Variants in ODAD3 observed in about 807,000 individuals in gnomAD.
ODAD3 encodes the protein outer dynein arm docking complex subunit 3, also known as outer dynein arm-docking complex subunit 3.
A neutral mutation model predicts 70.9 loss-of-function variants in ODAD3; 57 were observed. That is an observed-to-expected ratio of 0.80 (90% CI 0.65 to 1.00). The LOEUF is 1.00. Ranked by LOEUF, ODAD3 falls within the 50% of genes least tolerant of loss-of-function variation. The probability of loss-of-function intolerance (pLI) is 0.00; values close to 1 mark genes in which losing one functional copy is unlikely to be tolerated. For missense variants in ODAD3, 797 were observed against 763.9 expected, an observed-to-expected ratio of 1.04 and a Z score of -0.51; for synonymous variants, 327 against 315.9, an observed-to-expected ratio of 1.04 and a Z score of -0.37.
intron 3 of ODAD3, among the ~76,000 whole-genome samples, chr19:11,428,672 G>T (rs1331049350): frequency 6.6e-6 from 1 of 151,972 alleles, no homozygotes; most frequent in Non-Finnish European, 1.5e-5. Context: ...CCTCAGCCTG[G>T]CAAGTAGCTG....
chr19:11,424,935 A>ATGTATATATGTGTATATGTACCTATG (rs1969245253), intron 7 of ODAD3, among the ~76,000 whole-genome samples: 2 of 119,600 alleles, frequency 1.7e-5, no homozygotes, highest in African/African-American at 3.9e-5. Context: ...ATGTGTATAT[A>ATGTATATATGTGTATATGTACCTATG]TGTATATATG....
chr19:11,421,890 A>C, intron 10 of ODAD3, 58 bp from the exon 11 acceptor site: 3 of 1,530,330 alleles, frequency 2.0e-6, no homozygotes, highest in South Asian at 1.2e-5. Flanking sequence ...GGAAGGCTCC[A>C]CCCAGGGGCG....
intron 1 of ODAD3, 50 bp from the exon 2 acceptor site, chr19:11,431,070 G>A: frequency 6.2e-7 from 1 of 1,607,508 alleles, no homozygotes; most frequent in Admixed American, 1.7e-5. Context: ...GTGGGTGCAT[G>A]GGTGCAACAT....
intron 3 of ODAD3, 60 bp downstream of exon 3, chr19:11,430,639 C>G: frequency 6.6e-7 from 1 of 1,524,336 alleles, no homozygotes; most frequent in East Asian, 2.3e-5. Context: ...AGCCTGGAGT[C>G]CAGTGGTGAG....
At chr19:11,427,083 A>C (rs1599463064) in intron 3 of ODAD3, 43 bp from the exon 4 acceptor site, 1 of 1,500,402 alleles carries the variant, frequency 6.7e-7, no homozygotes, top group Non-Finnish European at 8.9e-7. Flanking sequence ...TCAACACCCT[A>C]CCCCGACACA....
chr19:11,425,203 G>GTGTATA (rs1969286851), intron 7 of ODAD3, among the ~76,000 whole-genome samples: 5 of 109,030 alleles, frequency 4.6e-5, no homozygotes, highest in African/African-American at 3.2e-4. Context: ...ATATGTGTAT[G>GTGTATA]TGTACATATG....
Position 11,420,804 on chromosome 19 carries a change from A to G in ODAD3, c.*31T>C. 6.3e-7 allele frequency: 1 copy of G among 1,586,882 alleles called. No individual in the cohort carries two copies. Among genetic ancestry groups the G allele is most frequent in the Non-Finnish European group, 8.7e-7 (1 of 1,155,772 alleles). On this transcript the variant is annotated 3_prime_UTR_variant, in exon 13 of 13. Coordinates refer to ENST00000356392, the MANE Select transcript of ODAD3 (RefSeq NM_145045.5). ...GACCCGGAGGGATCGGGGGCTCCGA[A>G]GGGGGCCGCCTGGTGGGTGTCAGGA...
upstream of ODAD3, chr19:11,435,258 T>A: frequency 7.6e-7 from 1 of 1,315,064 alleles, no homozygotes; most frequent in Non-Finnish European, 1.0e-6. Flanking sequence ...TGAGGCTGCA[T>A]AGAGGGGCGG....
Position 11,430,744 on chromosome 19 carries a change from G to A in ODAD3, c.399C>T (p.Arg133=), listed in dbSNP as rs370372097. 66 of 1,613,796 alleles carry A rather than the reference G, an allele frequency of 4.1e-5. No homozygotes were observed. Among genetic ancestry groups the A allele is most frequent in the African/African-American group, 3.7e-4 (28 of 74,828 alleles). Residue 133 remains arginine, a synonymous_variant, in exon 3 of 13, where the codon CGC becomes CGT. Coordinates refer to ENST00000356392, the MANE Select transcript of ODAD3 (RefSeq NM_145045.5). The stretch of plus-strand genomic sequence containing the variant: ...GGTATGGCTTCTCCCACTTCCATTC[G>A]CGAATCACTGCCTGGACCACTTTCT... ...GDEKVVQAVI[R]EWKWEKPYLK...
rs1969483190 is a variant in ODAD3 at position 11,430,676 on chromosome 19, A to T, written c.444+23T>A. 1.9e-6 allele frequency: 3 copies of T among 1,612,620 alleles called. No individual in the cohort carries two copies. The South Asian group carries it at 3.3e-5, about 18-fold the overall frequency. ...GGACCCAGGCTGGAAATGAAGGAGG[A>T]GGTGGGGCGAGGGTGGGCAAACCTG... On this transcript the variant is annotated intron_variant, in intron 3 of 12. Coordinates refer to ENST00000356392, the MANE Select transcript of ODAD3 (RefSeq NM_145045.5).
rs1156311227 is a variant in ODAD3, at chr19:11,420,909, G to T, written c.1714C>A (p.Arg572Ser). The T allele has an allele frequency of 1.2e-6, 2 of 1,613,914 alleles. No homozygotes were observed. The highest frequency in any genetic ancestry group is 8.5e-7 in the Non-Finnish European group (1 of 1,179,964). Residue 572 changes from arginine to serine, a missense_variant, in exon 13 of 13, where the codon CGC (arginine) becomes AGC (serine). By Grantham distance (110) the Arg-to-Ser change is moderately radical. Transcript: ENST00000356392. Reference sequence around the variant, plus strand: ...TGGGAACGGATCTTGAGTGATGCGCGGGTCACTACCTCGTTGTCCTCCTCC... The same window carrying T: ...TGGGAACGGATCTTGAGTGATGCGCTGGTCACTACCTCGTTGTCCTCCTCC... ...SEEEDNEVVT[R>S]ASLKIRSQKL... is the part of the protein sequence containing the mutation.
chr19:11,425,220 T>TATAC (rs1555722324), intron 7 of ODAD3, among the ~76,000 whole-genome samples: 35 of 124,274 alleles, frequency 2.8e-4, no homozygotes, highest in East Asian at 1.0e-3. Context: ...TATGTGTATA[T>TATAC]ATGTGTGTAT....
chr19:11,425,394 T>C (rs902641750), intron 7 of ODAD3, among the ~76,000 whole-genome samples: 11 of 137,528 alleles, frequency 8.0e-5, no homozygotes, highest in African/African-American at 3.4e-4. Context: ...TGTACATATG[T>C]GTATATGTAT....
chr19:11,434,300 C>A (rs113346450), intron 1 of ODAD3, among the ~76,000 whole-genome samples: 2 of 151,374 alleles, frequency 1.3e-5, no homozygotes, highest in Non-Finnish European at 2.9e-5. Flanking sequence ...GGCGGGCTCA[C>A]GCCTGTAATC....
At chr19:11,435,406 T>A, upstream of ODAD3, 5 of 389,916 alleles carry the variant, frequency 1.3e-5, no homozygotes, top group Non-Finnish European at 2.4e-5. Flanking sequence ...TCAGGAACTT[T>A]CTTTCCGGCT....
upstream of ODAD3, chr19:11,435,576 C>T (rs116400352): frequency 9.1e-5 from 76 of 832,588 alleles, no homozygotes; most frequent in African/African-American, 1.3e-3. Flanking sequence ...GACCCTGAGT[C>T]TCCGTTCCCG....
upstream of ODAD3, chr19:11,435,130 AC>A: frequency 6.9e-7 from 1 of 1,456,898 alleles, no homozygotes; most frequent in Non-Finnish European, 9.0e-7. Context: ...GCACTTTCCG[AC>A]CGCTAGGTGG....
At position 11,422,652 on chromosome 19, in the gene ODAD3, C is replaced by T. The variant is rs778650414; in HGVS notation, c.1278-25G>A. ...GCTGCAGGGAGCCGGGAGGTCACCCCGGGGGCTCAGCCCGCCCCGCCGCCC... is the reference window on the plus strand; with the variant it reads ...GCTGCAGGGAGCCGGGAGGTCACCCTGGGGGCTCAGCCCGCCCCGCCGCCC... On this transcript the variant is annotated intron_variant, in intron 9 of 12. Coordinates refer to ENST00000356392, the MANE Select transcript of ODAD3 (RefSeq NM_145045.5). The surrounding 1 kb of genome is among the most constrained non-coding windows in gnomAD (Gnocchi z 4.6). The T allele has an allele frequency of 1.2e-6, 2 of 1,605,280 alleles. No individual in the cohort carries two copies. The highest frequency in any genetic ancestry group is 1.1e-5 in the South Asian group (1 of 90,588).
intron 7 of ODAD3, among the ~76,000 whole-genome samples, chr19:11,424,240 A>G (rs956301801): frequency 2.6e-5 from 4 of 152,060 alleles, no homozygotes; most frequent in Non-Finnish European, 5.9e-5. Context: ...GCTGTGGCTC[A>G]CGCCTTTAAT....
Sources: gnomAD v4.1 joint callset for allele counts (sites outside exome capture counted in the v4.1 genomes callset) on GRCh38, gnomAD v4.1.1 for gene constraint, Gnocchi (gnomAD v3.1) non-coding constraint, MANE v1.5 for transcripts, NCBI Gene and HGNC (gene_info 2026-07-23, HGNC 2026-07-21) for gene names.